BICC1: variants seen among roughly 807,000 people sequenced by gnomAD.
BICC1 encodes BicC family RNA binding protein 1.
Under a neutral mutation model 111.0 loss-of-function variants are expected in BICC1, and 43 were observed. The ratio of observed to expected loss-of-function variants is 0.39; its 90% CI spans 0.30 to 0.50. BICC1 has a LOEUF of 0.50. Ranked by LOEUF, BICC1 falls within the 20% of genes least tolerant of loss-of-function variation. The pLI is 0.88. For synonymous variants in BICC1, 467 were observed against 434.4 expected (o/e 1.07, Z -0.93); for missense variants, 1,091 against 1,203.2 (o/e 0.91, Z 1.38).
In BICC1 at chr10:58,787,101, G is replaced by C; in HGVS notation, c.546+20G>C. 6.5e-7 allele frequency: 1 copy of C among 1,545,404 alleles called. No individual in the cohort carries two copies. Among genetic ancestry groups the C allele is most frequent in the Non-Finnish European group, 8.7e-7 (1 of 1,151,944 alleles). Reference sequence around the variant, plus strand: ...AACCAGGTGGTTTGTCTTTTCACATGAACTTTTATGGGATGAATTACAGCC... The same window carrying C: ...AACCAGGTGGTTTGTCTTTTCACATCAACTTTTATGGGATGAATTACAGCC... On this transcript the variant is annotated intron_variant, in intron 5 of 20. Transcript: ENST00000373886.
intron 1 of BICC1, among the ~76,000 whole-genome samples, chr10:58,552,759 C>G (rs553618879): frequency 6.6e-6 from 1 of 152,136 alleles, no homozygotes; most frequent in Admixed American, 6.5e-5. Flanking sequence ...TATAATTTCT[C>G]TAGGTCTCAG....
intron 1 of BICC1, among the ~76,000 whole-genome samples, chr10:58,518,373 T>C (rs1842297697): frequency 6.6e-6 from 1 of 152,134 alleles, no homozygotes; most frequent in Non-Finnish European, 1.5e-5. Context: ...ATAATAGTCC[T>C]ACTTTACGGT....
intron 1 of BICC1, among the ~76,000 whole-genome samples, chr10:58,553,128 T>C (rs531661348): frequency 6.6e-6 from 1 of 152,196 alleles, no homozygotes; most frequent in East Asian, 1.9e-4. Flanking sequence ...ATGACAGATG[T>C]AGTGGTGGAG....
chr10:58,645,565 A>C (rs1838245641), intron 2 of BICC1, among the ~76,000 whole-genome samples: 1 of 152,170 alleles, frequency 6.6e-6, no homozygotes, highest in Non-Finnish European at 1.5e-5. Context: ...GACATTTCCC[A>C]AGCATCTAAC....
chr10:58,663,457 A>T (rs1453416436), intron 2 of BICC1, among the ~76,000 whole-genome samples: 1 of 151,996 alleles, frequency 6.6e-6, no homozygotes, highest in South Asian at 2.1e-4. Context: ...CTTTTCCAAC[A>T]TGTCATTTAA....
Position 58,620,920 on chromosome 10 carries a change from TTGTCA to T in BICC1, c.237+22_237+26del, listed in dbSNP as rs1171086416. ...TCAAAAGGTAAGTTGTCTTTTACTC[TTGTCA>T]TGGTGATAAGTAAGAGGAAATATAC... On this transcript the variant is annotated intron_variant, in intron 2 of 20. Coordinates refer to ENST00000373886, the MANE Select transcript of BICC1 (RefSeq NM_001080512.3). The T allele has an allele frequency of 1.2e-6, 2 of 1,610,056 alleles. No homozygotes were observed. The highest frequency in any genetic ancestry group is 2.7e-5 in the African/African-American group (2 of 74,834).
chr10:58,549,817 C>G (rs1184154400), intron 1 of BICC1, among the ~76,000 whole-genome samples: 1 of 151,706 alleles, frequency 6.6e-6, no homozygotes, highest in Non-Finnish European at 1.5e-5. Context: ...TCCTGAGTAG[C>G]TGGGATTACA....
chr10:58,751,528 T>C (rs1204325957), intron 3 of BICC1, among the ~76,000 whole-genome samples: 2 of 152,210 alleles, frequency 1.3e-5, no homozygotes, highest in Non-Finnish European at 2.9e-5. Context: ...CAGTGGGAAC[T>C]ATTTCATTTG....
chr10:58,566,293 TACAC>T (rs1554807060), intron 1 of BICC1, among the ~76,000 whole-genome samples: 1 of 150,390 alleles, frequency 6.6e-6, no homozygotes, highest in African/African-American at 2.5e-5. Flanking sequence ...TACAAACATG[TACAC>T]ACACACCACA....
chr10:58,698,746 A>G (rs1016453150), intron 2 of BICC1, among the ~76,000 whole-genome samples: 20 of 152,198 alleles, frequency 1.3e-4, no homozygotes, highest in African/African-American at 4.8e-4. Flanking sequence ...AGTACGTGCC[A>G]TGCTATGTGC....
At chr10:58,806,794 T>A (rs1390666165) in intron 16 of BICC1, among the ~76,000 whole-genome samples, 171 bp downstream of exon 16, 8 of 152,202 alleles carry the variant, frequency 5.3e-5, no homozygotes, top group Admixed American at 5.2e-4. Context: ...TGGTTTAGCA[T>A]TAGACCAATT....
intron 8 of BICC1, 140 bp downstream of exon 8, chr10:58,790,073 G>A: frequency 1.1e-6 from 1 of 910,620 alleles, no homozygotes; most frequent in South Asian, 1.7e-5. Flanking sequence ...TTGCTAAAAG[G>A]AAATAAACTG....
intron 1 of BICC1, among the ~76,000 whole-genome samples, chr10:58,527,914 C>G (rs950753412): frequency 1.3e-5 from 2 of 151,928 alleles, no homozygotes; most frequent in African/African-American, 4.8e-5. Context: ...TATGCTTTCT[C>G]AGTTTCTCCC....
intron 2 of BICC1, among the ~76,000 whole-genome samples, chr10:58,658,687 A>G (rs1838741787): frequency 6.6e-6 from 1 of 152,158 alleles, no homozygotes; most frequent in Non-Finnish European, 1.5e-5. Flanking sequence ...TGGATAAATA[A>G]TATCAGTATT....
chr10:58,819,623 TTATATC>T (rs1290449252), intron 19 of BICC1, among the ~76,000 whole-genome samples: 1 of 152,172 alleles, frequency 6.6e-6, no homozygotes. Flanking sequence ...GCCCAGTACT[TTATATC>T]TATAGTTATA....
chr10:58,791,666 G>A (rs1055484395), intron 8 of BICC1, among the ~76,000 whole-genome samples: 1 of 152,104 alleles, frequency 6.6e-6, no homozygotes, highest in Non-Finnish European at 1.5e-5. Context: ...CTCAAACCGC[G>A]GAGGTGGAGG....
intron 1 of BICC1, among the ~76,000 whole-genome samples, chr10:58,595,433 C>T (rs1844780358): frequency 6.6e-6 from 1 of 152,180 alleles, no homozygotes; most frequent in African/African-American, 2.4e-5. Flanking sequence ...CACCACATCA[C>T]ACTTATTCTA....
intron 1 of BICC1, among the ~76,000 whole-genome samples, chr10:58,582,501 T>C (rs1271448476): frequency 6.6e-6 from 1 of 152,216 alleles, no homozygotes; most frequent in Non-Finnish European, 1.5e-5. Flanking sequence ...TATAAATTCT[T>C]ATTAGCTTCA....
At chr10:58,706,225 C>T (rs1000145082) in intron 3 of BICC1, among the ~76,000 whole-genome samples, 1 of 152,142 alleles carries the variant, frequency 6.6e-6, no homozygotes, top group African/African-American at 2.4e-5. Context: ...TTTGAACATG[C>T]TATTCTGAAT....
Sources: gnomAD v4.1 joint callset for allele counts (sites outside exome capture counted in the v4.1 genomes callset) on GRCh38, gnomAD v4.1.1 for gene constraint, MANE v1.5 for transcripts, NCBI Gene and HGNC (gene_info 2026-07-23, HGNC 2026-07-21) for gene names.